The following MCTP2 variants were observed in gnomAD, a reference collection of about 807,000 sequenced individuals.
MCTP2 encodes the protein multiple C2 and transmembrane domain containing 2, also known as multiple C2 and transmembrane domain-containing protein 2.
In MCTP2, 132 loss-of-function variants were observed where a neutral mutation model predicts 111.6. That is an observed-to-expected ratio of 1.18 (90% CI 1.03 to 1.37). The LOEUF is 1.37. MCTP2 is among the 40% of genes most tolerant of loss of function. MCTP2 has a pLI of 0.00. For synonymous variants in MCTP2, 395 were observed against 387.7 expected (o/e 1.02, Z -0.22); for missense variants, 1,183 against 1,067.9 (o/e 1.11, Z -1.50).
intron 17 of MCTP2, among the ~76,000 whole-genome samples, chr15:94,430,895 G>T (rs2083150998): frequency 6.6e-6 from 1 of 152,068 alleles, no homozygotes; most frequent in South Asian, 2.1e-4. Context: ...CTCACTTACT[G>T]CCCTCTCAGT....
intron 1 of MCTP2, among the ~76,000 whole-genome samples, chr15:94,255,726 T>C (rs1002827631): frequency 6.6e-6 from 1 of 152,172 alleles, no homozygotes; most frequent in Non-Finnish European, 1.5e-5. Flanking sequence ...AGTGCTATTC[T>C]GAAGCCGAGG....
chr15:94,324,584 C>G (rs935292971), intron 4 of MCTP2, among the ~76,000 whole-genome samples: 14 of 152,168 alleles, frequency 9.2e-5, no homozygotes, highest in Non-Finnish European at 5.9e-5. Flanking sequence ...TGCTCTCTTT[C>G]TCAATTTCCA....
intron 1 of MCTP2, among the ~76,000 whole-genome samples, chr15:94,235,069 T>C (rs930107326): frequency 1.3e-5 from 2 of 152,238 alleles, no homozygotes; most frequent in East Asian, 1.9e-4. Context: ...CTGGCCAATA[T>C]GGCGAAATCC....
At chr15:94,235,395 G>A (rs557407021) in intron 1 of MCTP2, among the ~76,000 whole-genome samples, 6 of 152,242 alleles carry the variant, frequency 3.9e-5, no homozygotes, top group East Asian at 1.9e-4. Context: ...GGAGCTCTGC[G>A]TCTAGAGCAC....
intron 16 of MCTP2, among the ~76,000 whole-genome samples, chr15:94,401,657 A>G (rs1029886136): frequency 6.6e-6 from 1 of 152,216 alleles, no homozygotes; most frequent in Non-Finnish European, 1.5e-5. Context: ...TGTGCTGAAC[A>G]TTGTTGAAAC....
At chr15:94,247,446 A>C (rs2072096557) in intron 1 of MCTP2, among the ~76,000 whole-genome samples, 1 of 152,114 alleles carries the variant, frequency 6.6e-6, no homozygotes, top group South Asian at 2.1e-4. Flanking sequence ...AGGATCCTTC[A>C]ATTCTTGGTT....
intron 20 of MCTP2, among the ~76,000 whole-genome samples, chr15:94,464,252 ATATAT>A (rs869213648): frequency 5.3e-4 from 27 of 50,508 alleles, no homozygotes; most frequent in African/African-American, 2.0e-3. Context: ...ATATATATAT[ATATAT>A]TATATATATA....
intron 14 of MCTP2, among the ~76,000 whole-genome samples, chr15:94,397,828 T>G (rs557027256): frequency 6.6e-6 from 1 of 152,234 alleles, no homozygotes; most frequent in East Asian, 1.9e-4. Context: ...TCCTATGCTA[T>G]TGAAATTTTT....
chr15:94,261,031 T>C (rs2073148467), intron 1 of MCTP2, among the ~76,000 whole-genome samples: 1 of 152,160 alleles, frequency 6.6e-6, no homozygotes, highest in African/African-American at 2.4e-5. Context: ...GAGACCCTCC[T>C]TTCTATTGAT....
At chr15:94,414,416 A>G (rs1205841863) in intron 17 of MCTP2, among the ~76,000 whole-genome samples, 2 of 152,182 alleles carry the variant, frequency 1.3e-5, no homozygotes, top group African/African-American at 4.8e-5. Context: ...CCTTCATATA[A>G]AAAATATTCA....
chr15:94,325,251 A>G (rs1048194916), intron 4 of MCTP2, among the ~76,000 whole-genome samples: 12 of 152,006 alleles, frequency 7.9e-5, no homozygotes, highest in Admixed American at 3.9e-4. Context: ...GTGCTTGTGG[A>G]GACTTGGTGG....
chr15:94,464,886 C>G (rs1302571465), intron 20 of MCTP2, among the ~76,000 whole-genome samples: 1 of 152,026 alleles, frequency 6.6e-6, no homozygotes, highest in Non-Finnish European at 1.5e-5. Context: ...CAGCAATGGA[C>G]TACTTTTGTC....
Position 94,481,369 on chromosome 15 carries a change from C to T in MCTP2, c.*2335C>T, listed in dbSNP as rs2074715639. 6.6e-6 allele frequency: 1 copy of T among 152,344 alleles called. No homozygotes were observed. The highest frequency in any genetic ancestry group is 2.1e-4 in the South Asian group (1 of 4,826). The allele number at this position is 152,344 out of a possible 1,614,324, so 9.4% of individuals were successfully genotyped here. A position where few individuals can be genotyped will look rare whatever the true frequency, so the allele number is the denominator to read the frequency against. ...TCTGGGCTTGGAATTTCTCGGTCAT[C>T]CTCTTTTTTTTTGTTCCTCGTGCTG... On this transcript the variant is annotated 3_prime_UTR_variant, in exon 23 of 23. Transcript: ENST00000357742.
chr15:94,402,674 A>G, intron 17 of MCTP2: 2 of 1,503,094 alleles, frequency 1.3e-6, no homozygotes, highest in Non-Finnish European at 1.8e-6. Context: ...CCTTCACTTT[A>G]TATCTCAGGG....
chr15:94,469,274 G>T (rs1018986728), intron 20 of MCTP2, among the ~76,000 whole-genome samples: 1 of 152,120 alleles, frequency 6.6e-6, no homozygotes, highest in Non-Finnish European at 1.5e-5. Flanking sequence ...CCTCAGTAGG[G>T]CGTTCGATCT....
rs1418808584 is a variant in MCTP2 at position 94,243,384 on chromosome 15, C to T, written c.-66+11720C>T. The stretch of plus-strand genomic sequence containing the variant: ...GCGTATATGCGTATGTACATACATA[C>T]GTATGCGTATATGCGTATGTACATA... On this transcript the variant is annotated intron_variant, in intron 1 of 22. Transcript: ENST00000357742. Among the ~76,000 whole-genome samples the T allele has an allele frequency of 2.1e-5, 3 of 145,476 alleles. No individual in the cohort carries two copies. In the East Asian group the frequency reaches 6.3e-4, roughly 30 times the overall value.
At chr15:94,478,864 C>T in intron 22 of MCTP2, 102 bp from the exon 23 acceptor site, 1 of 905,218 alleles carries the variant, frequency 1.1e-6, no homozygotes, top group Non-Finnish European at 1.8e-6. Context: ...ACCTTTGAAC[C>T]TTCCTTCCTT....
At chr15:94,293,432 G>A (rs1295114670) in intron 1 of MCTP2, among the ~76,000 whole-genome samples, 1 of 152,206 alleles carries the variant, frequency 6.6e-6, no homozygotes, top group East Asian at 1.9e-4. Flanking sequence ...TAAAAAGACA[G>A]GAAATGCATA....
chr15:94,260,172 G>A (rs187569861), intron 1 of MCTP2, among the ~76,000 whole-genome samples: 5 of 152,178 alleles, frequency 3.3e-5, no homozygotes, highest in African/African-American at 9.6e-5. Context: ...GGGGATTCTG[G>A]CCACGGAAAC....
Sources: allele counts gnomAD v4.1 joint callset (sites outside exome capture counted in the v4.1 genomes callset), GRCh38; gene constraint gnomAD v4.1.1; transcripts MANE v1.5; gene names NCBI Gene and HGNC (gene_info 2026-07-23, HGNC 2026-07-21).